ATP9A: variants seen among roughly 807,000 people sequenced by gnomAD.
ATP9A encodes ATPase phospholipid transporting 9A.
A neutral mutation model predicts 144.1 loss-of-function variants in ATP9A; 52 were observed. The observed-to-expected ratio is 0.36, with a 90% CI of 0.29 to 0.45. The LOEUF (loss-of-function observed/expected upper bound fraction) is 0.45. Among genes scored for constraint, ATP9A ranks in the 20% least tolerant of loss-of-function variants. The pLI is 1.00. For missense variants in ATP9A, 947 were observed against 1,392.7 expected, an observed-to-expected ratio of 0.68 and a Z score of 5.09; for synonymous variants, 582 against 557.4, an observed-to-expected ratio of 1.04 and a Z score of -0.62.
chr20:51,672,794 T>C (rs115979747), intron 11 of ATP9A, among the ~76,000 whole-genome samples: 2,950 of 152,234 alleles, frequency 0.019, 98 homozygotes, highest in African/African-American at 0.067. Flanking sequence ...TGGGGGAAAG[T>C]AGACTGCTAA....
intron 2 of ATP9A, among the ~76,000 whole-genome samples, chr20:51,727,143 T>C (rs1238846329): frequency 1.3e-5 from 2 of 150,688 alleles, no homozygotes; most frequent in African/African-American, 4.9e-5. Flanking sequence ...ATACAAAAAA[T>C]TAGCCAGGCA....
At chr20:51,686,594 A>G (rs540235133) in intron 9 of ATP9A, among the ~76,000 whole-genome samples, 34 of 152,348 alleles carry the variant, frequency 2.2e-4, no homozygotes, top group Admixed American at 2.2e-3. Context: ...ATTAAGAATT[A>G]GCTGACAGGT....
At chr20:51,676,826 G>A (rs1435442266) in intron 9 of ATP9A, among the ~76,000 whole-genome samples, 1 of 151,626 alleles carries the variant, frequency 6.6e-6, no homozygotes, top group African/African-American at 2.4e-5. Flanking sequence ...ACGTTGGCCA[G>A]GCTGGTCTTG....
chr20:51,637,850 G>C (rs73267760), intron 15 of ATP9A, among the ~76,000 whole-genome samples: 2,319 of 150,876 alleles, frequency 0.015, 53 homozygotes, highest in African/African-American at 0.053. Flanking sequence ...ATCCCTCACC[G>C]TCCTCCCACC....
intron 1 of ATP9A, among the ~76,000 whole-genome samples, chr20:51,742,874 C>A (rs2077791145): frequency 6.6e-6 from 1 of 152,156 alleles, no homozygotes; most frequent in African/African-American, 2.4e-5. Context: ...TAGGCCCTGA[C>A]AGGGCTGTAA....
Position 51,766,554 on chromosome 20 carries a change from G to C in ATP9A, c.68+1748C>G, listed in dbSNP as rs80335334. On this transcript the variant is annotated intron_variant, in intron 1 of 27. Transcript: ENST00000338821. ...TCAAGTCAATTGTCATCATTAAAAC[G>C]AAGGAGGCCGGGCGCGGTGACTCAC... is the stretch of plus-strand genomic sequence containing the variant. 1.0e-3 allele frequency among the ~76,000 whole-genome samples: 159 copies of C among 152,214 alleles called. No homozygotes were observed. In the East Asian group the frequency reaches 0.023, roughly 22 times the overall value.
chr20:51,673,048 T>C (rs1242496254), intron 11 of ATP9A, among the ~76,000 whole-genome samples: 1 of 152,204 alleles, frequency 6.6e-6, no homozygotes, highest in Non-Finnish European at 1.5e-5. Context: ...CCTTCACTTT[T>C]TTCTACTATG....
chr20:51,613,262 T>C (rs2077191373), intron 23 of ATP9A, among the ~76,000 whole-genome samples: 1 of 152,140 alleles, frequency 6.6e-6, no homozygotes, highest in Non-Finnish European at 1.5e-5. Flanking sequence ...GCCTGAATAG[T>C]CATTCAGCAT....
At chr20:51,652,925 G>A (rs557813004) in intron 14 of ATP9A, among the ~76,000 whole-genome samples, 34 of 152,058 alleles carry the variant, frequency 2.2e-4, no homozygotes, top group Non-Finnish European at 4.1e-4. Context: ...TGGCTAACAC[G>A]GTGAAACCCC....
intron 1 of ATP9A, among the ~76,000 whole-genome samples, chr20:51,767,660 G>A (rs992586698): frequency 6.6e-6 from 1 of 152,132 alleles, no homozygotes; most frequent in Non-Finnish European, 1.5e-5. Flanking sequence ...CCGAAATTGT[G>A]GGGGGAGAAC....
chr20:51,740,818 T>A (rs1195776802), intron 1 of ATP9A, among the ~76,000 whole-genome samples: 2 of 151,838 alleles, frequency 1.3e-5, no homozygotes, highest in African/African-American at 2.4e-5. Flanking sequence ...CAAGCAATCC[T>A]CCCAGTTCAG....
chr20:51,708,546 C>T (rs2077624240), intron 4 of ATP9A, among the ~76,000 whole-genome samples: 1 of 151,822 alleles, frequency 6.6e-6, no homozygotes, highest in Middle Eastern at 3.4e-3. Context: ...ACCAGCCTGG[C>T]CAATATGGCG....
intron 22 of ATP9A, 56 bp from the exon 23 acceptor site, chr20:51,613,888 ATT>A: frequency 6.7e-7 from 1 of 1,491,408 alleles, no homozygotes; most frequent in Non-Finnish European, 9.0e-7. Context: ...GGGCAAACAC[ATT>A]TTCTTTCACT....
Position 51,715,030 on chromosome 20 carries a change from A to T in ATP9A, c.328-1956T>A, listed in dbSNP as rs6021396. On this transcript the variant is annotated intron_variant, in intron 3 of 27. Transcript: ENST00000338821. ...TTTACAGTCATTCGTTTTCCTTGTC[A>T]TTCCTTCCCCTATCCCCTTTTAAAG... Among the ~76,000 whole-genome samples, 1,068 of 152,218 alleles carry T rather than the reference A, an allele frequency of 7.0e-3. 13 individuals carry two copies. Among genetic ancestry groups the T allele is most frequent in the African/African-American group, 0.024 (1,015 of 41,516 alleles).
At chr20:51,684,695 CAAA>C (rs34692104) in intron 9 of ATP9A, among the ~76,000 whole-genome samples, 15 of 94,554 alleles carry the variant, frequency 1.6e-4, no homozygotes, top group Non-Finnish European at 2.0e-4. Context: ...GACTCTGTCT[CAAA>C]AAAAAAAAAA....
At chr20:51,722,784 T>C (rs1276557283) in intron 3 of ATP9A, among the ~76,000 whole-genome samples, 1 of 152,116 alleles carries the variant, frequency 6.6e-6, no homozygotes, top group Non-Finnish European at 1.5e-5. Flanking sequence ...AGTGTGGAGA[T>C]TCCTTAAAGA....
intron 19 of ATP9A, among the ~76,000 whole-genome samples, chr20:51,621,779 G>C (rs2077227887): frequency 1.3e-5 from 2 of 152,056 alleles, no homozygotes; most frequent in African/African-American, 4.8e-5. Flanking sequence ...GCATCTTTCG[G>C]GGGGAGTGCC....
At chr20:51,764,229 C>G (rs2077894319) in intron 1 of ATP9A, among the ~76,000 whole-genome samples, 1 of 152,200 alleles carries the variant, frequency 6.6e-6, no homozygotes, top group African/African-American at 2.4e-5. Context: ...GCAGCAGAGC[C>G]TGGGTGTGAA....
chr20:51,637,528 GGAA>G (rs2077297516), intron 15 of ATP9A, among the ~76,000 whole-genome samples: 1 of 151,994 alleles, frequency 6.6e-6, no homozygotes, highest in Non-Finnish European at 1.5e-5. Context: ...TGAATGCTAC[GGAA>G]GAAGAACGAG....
Sources: gnomAD v4.1 joint callset for allele counts (sites outside exome capture counted in the v4.1 genomes callset) on GRCh38, gnomAD v4.1.1 for gene constraint, MANE v1.5 for transcripts, NCBI Gene and HGNC (gene_info 2026-07-23, HGNC 2026-07-21) for gene names.